Variants in SMYD3 observed in about 807,000 individuals in gnomAD.
The protein encoded by SMYD3 is histone-lysine N-methyltransferase SMYD3.
In SMYD3, 36 loss-of-function variants were observed where a neutral mutation model predicts 57.7. The observed-to-expected ratio is 0.62, with a 90% confidence interval of 0.48 to 0.82. The LOEUF is 0.82. Ranked by LOEUF, SMYD3 falls within the 40% of genes least tolerant of loss-of-function variation. SMYD3 has a pLI of 0.00. For synonymous variants in SMYD3, 211 were observed against 195.0 expected (o/e 1.08, Z -0.68); for missense variants, 515 against 538.8 (o/e 0.96, Z 0.44).
At chr1:245,906,800 A>G (rs2054593174) in intron 8 of SMYD3, among the ~76,000 whole-genome samples, 1 of 152,238 alleles carries the variant, frequency 6.6e-6, no homozygotes, top group African/African-American at 2.4e-5. Flanking sequence ...ACAATGGAGT[A>G]CTATTCAGCC....
At position 246,047,901 on chromosome 1, in the gene SMYD3, C is replaced by T. The variant is rs565212664; in HGVS notation, c.532-117964G>A. On this transcript the variant is annotated intron_variant, in intron 5 of 11. Transcript: ENST00000490107. ...GCTTTGATATAAGCAAAGATACCCACGACAGGAAACCCACAGGGCATTTTT... is the reference window on the plus strand; with the variant it reads ...GCTTTGATATAAGCAAAGATACCCATGACAGGAAACCCACAGGGCATTTTT... Among the ~76,000 whole-genome samples the T allele has an allele frequency of 3.3e-5, 5 of 151,992 alleles. No homozygotes were observed. In the East Asian group the frequency reaches 5.8e-4, roughly 18 times the overall value.
chr1:246,370,726 T>C (rs2066180255), intron 1 of SMYD3, among the ~76,000 whole-genome samples: 1 of 152,196 alleles, frequency 6.6e-6, no homozygotes, highest in African/African-American at 2.4e-5. Context: ...ATCACTTCCA[T>C]GGTTACTAAA....
At chr1:246,495,311 T>C (rs1257870289) in intron 1 of SMYD3, among the ~76,000 whole-genome samples, 2 of 126,652 alleles carry the variant, frequency 1.6e-5, no homozygotes, top group Admixed American at 2.0e-4. Context: ...ATCATGCCAC[T>C]GCACTCCAGC....
At chr1:245,954,000 A>G (rs1035901225) in intron 5 of SMYD3, among the ~76,000 whole-genome samples, 1 of 152,200 alleles carries the variant, frequency 6.6e-6, no homozygotes, top group African/African-American at 2.4e-5. Context: ...AATCCTCTTT[A>G]CTTCAAAAAA....
intron 10 of SMYD3, among the ~76,000 whole-genome samples, chr1:245,814,873 CGCACGCACACACGCAT>C (rs1383410835): frequency 7.1e-6 from 1 of 140,280 alleles, no homozygotes; most frequent in African/African-American, 3.3e-5. Flanking sequence ...CACACACACA[CGCACGCACACACGCAT>C]GCACACACAC....
At chr1:246,019,079 T>C (rs529999818) in intron 5 of SMYD3, among the ~76,000 whole-genome samples, 46 of 152,348 alleles carry the variant, frequency 3.0e-4, no homozygotes, top group Non-Finnish European at 5.7e-4. Flanking sequence ...CTATTTCCTC[T>C]GAGCCCCATT....
chr1:246,264,152 T>A (rs1360518685), intron 5 of SMYD3, among the ~76,000 whole-genome samples: 1 of 152,210 alleles, frequency 6.6e-6, no homozygotes, highest in Non-Finnish European at 1.5e-5. Flanking sequence ...CAAAATTTAT[T>A]GTATACTAAG....
intron 5 of SMYD3, among the ~76,000 whole-genome samples, chr1:246,222,040 T>C (rs1218213805): frequency 6.6e-6 from 1 of 152,156 alleles, no homozygotes; most frequent in South Asian, 2.1e-4. Flanking sequence ...TCTGAACAGA[T>C]GGGCAGTTTT....
At chr1:245,849,547 C>T (rs958930727) in intron 10 of SMYD3, among the ~76,000 whole-genome samples, 2 of 152,114 alleles carry the variant, frequency 1.3e-5, no homozygotes, top group African/African-American at 2.4e-5. Context: ...GTACTTCTTA[C>T]CAGAACTTGG....
At chr1:246,293,796 A>G (rs765274922) in intron 5 of SMYD3, among the ~76,000 whole-genome samples, 2 of 152,140 alleles carry the variant, frequency 1.3e-5, no homozygotes, top group South Asian at 4.1e-4. Context: ...CACACTCCTA[A>G]TTAGTGCCCT....
At chr1:246,428,805 A>G (rs556662377) in intron 1 of SMYD3, among the ~76,000 whole-genome samples, 1 of 151,018 alleles carries the variant, frequency 6.6e-6, no homozygotes, top group East Asian at 2.0e-4. Context: ...TCTACACCAC[A>G]GCCCATGCTC....
intron 2 of SMYD3, among the ~76,000 whole-genome samples, chr1:246,337,237 A>AC (rs1032156549): frequency 6.6e-6 from 1 of 152,200 alleles, no homozygotes; most frequent in Non-Finnish European, 1.5e-5. Context: ...TATCATGTTG[A>AC]CCCTACTTAG....
intron 1 of SMYD3, among the ~76,000 whole-genome samples, chr1:246,420,389 C>A (rs1169672094): frequency 6.6e-6 from 1 of 152,214 alleles, no homozygotes; most frequent in Non-Finnish European, 1.5e-5. Context: ...GGCACAGTGA[C>A]TTCACAGCAC....
chr1:246,384,103 TG>T (rs1421280436), intron 1 of SMYD3, among the ~76,000 whole-genome samples: 1 of 152,172 alleles, frequency 6.6e-6, no homozygotes, highest in East Asian at 1.9e-4. Flanking sequence ...GTATCTCATA[TG>T]AAGTATTTTC....
At chr1:245,996,981 G>C (rs1176404966) in intron 5 of SMYD3, among the ~76,000 whole-genome samples, 1 of 152,230 alleles carries the variant, frequency 6.6e-6, no homozygotes, top group Non-Finnish European at 1.5e-5. Flanking sequence ...TTGGCACTGA[G>C]GCGACGTCGC....
intron 5 of SMYD3, among the ~76,000 whole-genome samples, chr1:246,223,425 G>T (rs2063284957): frequency 6.6e-6 from 1 of 152,090 alleles, no homozygotes; most frequent in African/African-American, 2.4e-5. Flanking sequence ...GGAAAAGATA[G>T]AGGCAGCCTG....
intron 5 of SMYD3, among the ~76,000 whole-genome samples, chr1:246,151,416 G>A (rs2061939981): frequency 6.6e-6 from 1 of 151,986 alleles, no homozygotes; most frequent in African/African-American, 2.4e-5. Flanking sequence ...TGGCCAAGGT[G>A]TTTAAAATCC....
At chr1:245,853,330 C>T (rs2051071353) in intron 10 of SMYD3, among the ~76,000 whole-genome samples, 1 of 152,194 alleles carries the variant, frequency 6.6e-6, no homozygotes, top group Non-Finnish European at 1.5e-5. Context: ...ATGACACAAG[C>T]GTCCTCAGAG....
chr1:246,188,670 G>A (rs768209421), intron 5 of SMYD3, among the ~76,000 whole-genome samples: 1 of 151,850 alleles, frequency 6.6e-6, no homozygotes, highest in Non-Finnish European at 1.5e-5. Flanking sequence ...GCTTCTTTAA[G>A]AGGTCTGGGG....
Sources: allele counts gnomAD v4.1 joint callset (sites outside exome capture counted in the v4.1 genomes callset), GRCh38; gene constraint gnomAD v4.1.1; transcripts MANE v1.5; gene names NCBI Gene and HGNC (gene_info 2026-07-23, HGNC 2026-07-21).